The following BRWD1 variants were observed in gnomAD, a reference collection of about 807,000 sequenced individuals.
The protein encoded by BRWD1 is bromodomain and WD repeat-containing protein 1.
BRWD1 carries 82 observed loss-of-function variants against 251.2 expected under a neutral mutation model. The ratio of observed to expected loss-of-function variants is 0.33; its 90% confidence interval spans 0.27 to 0.39. The LOEUF (loss-of-function observed/expected upper bound fraction) is 0.39. Ranked by LOEUF, BRWD1 falls within the 10% of genes least tolerant of loss-of-function variation. The probability of loss-of-function intolerance (pLI) is 1.00; values close to 1 mark genes in which losing one functional copy is unlikely to be tolerated. For synonymous variants in BRWD1, 918 were observed against 902.8 expected (o/e 1.02, Z -0.30); for missense variants, 2,233 against 2,711.6 (o/e 0.82, Z 3.92).
chr21:39,209,947 T>C, intron 36 of BRWD1, 48 bp downstream of exon 36: 1 of 1,561,458 alleles, frequency 6.4e-7, no homozygotes, highest in South Asian at 1.2e-5. Context: ...TGGAAAATTA[T>C]CTACACAGAT....
At chr21:39,284,771 AT>A (rs572144514) in intron 8 of BRWD1, among the ~76,000 whole-genome samples, 2 of 151,676 alleles carry the variant, frequency 1.3e-5, no homozygotes, top group African/African-American at 4.8e-5. Flanking sequence ...TTTTAACTGA[AT>A]TTTTTTTCTA....
At position 39,265,286 on chromosome 21, in the gene BRWD1, G is replaced by A. The variant is rs1220745210; in HGVS notation, c.1531-267C>T. Among the ~76,000 whole-genome samples the A allele has an allele frequency of 3.3e-5, 5 of 151,956 alleles. 1 individual carries two copies. Among genetic ancestry groups the A allele is most frequent in the Admixed American group, 2.6e-4 (4 of 15,256 alleles). ...TAAAAATACAAAAAATTAGCCGGGCGTGGCAGTGTGCGTCTGTAGTCCCAG... is the reference window on the plus strand; with the variant it reads ...TAAAAATACAAAAAATTAGCCGGGCATGGCAGTGTGCGTCTGTAGTCCCAG... On this transcript the variant is annotated intron_variant, in intron 15 of 40. Coordinates refer to ENST00000342449, the MANE Select transcript of BRWD1 (RefSeq NM_033656.4).
intron 38 of BRWD1, among the ~76,000 whole-genome samples, chr21:39,201,553 T>A (rs1212528181): frequency 6.6e-6 from 1 of 152,218 alleles, no homozygotes; most frequent in Non-Finnish European, 1.5e-5. Flanking sequence ...TTTCCTTCAG[T>A]GCATTTTCTC....
At position 39,262,753 on chromosome 21, in the gene BRWD1, C is replaced by A. The variant is rs550873264; in HGVS notation, c.1885+1707G>T. 4.6e-5 allele frequency among the ~76,000 whole-genome samples: 7 copies of A among 152,058 alleles called. No individual in the cohort carries two copies. The East Asian group carries it at 7.7e-4, about 17-fold the overall frequency. On this transcript the variant is annotated intron_variant, in intron 17 of 40. Transcript: ENST00000342449. ...TTGTATATAAAACCCTCTTAAAGGA[C>A]AAAATTAAAGTGACAGAAAATGTAA...
At chr21:39,284,152 A>G (rs1278055157) in intron 8 of BRWD1, among the ~76,000 whole-genome samples, 1 of 152,044 alleles carries the variant, frequency 6.6e-6, no homozygotes, top group African/African-American at 2.4e-5. Flanking sequence ...TGTATTATTT[A>G]TTTTCTTTGG....
rs999989755 is a variant in BRWD1, at chr21:39,274,441, G to A, written c.1177C>T (p.Arg393Trp). The A allele has an allele frequency of 3.1e-6, 5 of 1,613,778 alleles. No individual in the cohort carries two copies. Among genetic ancestry groups the A allele is most frequent in the Non-Finnish European group, 4.2e-6 (5 of 1,179,866 alleles). Residue 393 changes from arginine to tryptophan, a missense_variant, in exon 13 of 41, where the codon CGG becomes TGG. By Grantham distance (101) the Arg-to-Trp change is moderately radical. Transcript: ENST00000342449. ...FLSGSRDGTA[R>W]IWRFEQLEWR... The stretch of plus-strand genomic sequence containing the variant: ...TCTAACTGCTCAAATCTCCAAATCC[G>A]TGCTGTTCCATCTCTGCTACCACTT...
chr21:39,301,831 A>G (rs1046206689), intron 4 of BRWD1, among the ~76,000 whole-genome samples: 1 of 151,820 alleles, frequency 6.6e-6, no homozygotes, highest in African/African-American at 2.4e-5. Context: ...CAAAGGAGCA[A>G]TAAGACTGCT....
chr21:39,262,422 G>T (rs2034782459), intron 17 of BRWD1, among the ~76,000 whole-genome samples: 1 of 152,196 alleles, frequency 6.6e-6, no homozygotes, highest in African/African-American at 2.4e-5. Flanking sequence ...AGACACAAAA[G>T]ATTACACTTT....
Position 39,193,507 on chromosome 21 carries a change from T to A in BRWD1, c.*2752A>T. Reference sequence around the variant, plus strand: ...TCCTTTATATGCTTGGTAAAGTGAGTCTTTCCAAGAAAGCAAAAATCAAAT... The same window carrying A: ...TCCTTTATATGCTTGGTAAAGTGAGACTTTCCAAGAAAGCAAAAATCAAAT... On this transcript the variant is annotated 3_prime_UTR_variant, in exon 41 of 41. Transcript: ENST00000342449. 2.0e-6 allele frequency: 2 copies of A among 985,310 alleles called. No individual in the cohort carries two copies. Among genetic ancestry groups the A allele is most frequent in the Non-Finnish European group, 2.4e-6 (2 of 829,668 alleles). 61.0% of individuals were successfully genotyped at this position (985,310 alleles called of 1,614,324 possible).
intron 23 of BRWD1, among the ~76,000 whole-genome samples, chr21:39,234,946 A>G (rs2033757493): frequency 6.6e-6 from 1 of 152,214 alleles, no homozygotes; most frequent in Admixed American, 6.5e-5. Context: ...GAGTAAGTAA[A>G]TATGACTAAA....
intron 32 of BRWD1, 55 bp from the exon 33 acceptor site, chr21:39,213,608 G>C: frequency 8.3e-7 from 1 of 1,202,108 alleles, no homozygotes; most frequent in South Asian, 1.3e-5. Flanking sequence ...TTGTTGGCAA[G>C]GATTCAAATT....
chr21:39,208,485 C>A (rs879707569), intron 36 of BRWD1, among the ~76,000 whole-genome samples: 1 of 152,174 alleles, frequency 6.6e-6, no homozygotes, highest in Admixed American at 6.5e-5. Context: ...TTAAATGTCA[C>A]TGATTGTAGA....
chr21:39,190,229 AC>A lies in BRWD1; in HGVS notation c.*6029del. The A allele has an allele frequency of 1.1e-6, 1 of 941,008 alleles. No individual in the cohort carries two copies. The highest frequency in any genetic ancestry group is 2.3e-5 in the African/African-American group (1 of 44,336). 58.3% of individuals were successfully genotyped at this position (941,008 alleles called of 1,614,324 possible). On this transcript the variant is annotated 3_prime_UTR_variant, in exon 41 of 41. Transcript: ENST00000342449. Reference sequence around the variant, plus strand: ...CAAGGATTAATCATATTCTAATTAGACTTTTTTTTAATTTTTAAGCTACCTT... The same window carrying A: ...CAAGGATTAATCATATTCTAATTAGATTTTTTTTAATTTTTAAGCTACCTT...
chr21:39,313,591 GCCGC>G lies in BRWD1; in HGVS notation c.-104_-101del. 1 of 275,312 alleles carries G rather than the reference GCCGC, an allele frequency of 3.6e-6. No individual in the cohort carries two copies. Among genetic ancestry groups the G allele is most frequent in the Non-Finnish European group, 4.9e-6 (1 of 202,646 alleles). The allele number at this position is 275,312 out of a possible 1,614,324, so 17.1% of individuals were successfully genotyped here. A position where few individuals can be genotyped will look rare whatever the true frequency, so the allele number is the denominator to read the frequency against. On this transcript the variant is annotated 5_prime_UTR_variant, in exon 1 of 41. An upstream open reading frame in the 5' UTR loses its in-frame stop. Coordinates refer to ENST00000342449, the MANE Select transcript of BRWD1 (RefSeq NM_033656.4). The stretch of plus-strand genomic sequence containing the variant: ...TGGCGTCCCCTCTTCTCAGGCGCGC[GCCGC>G]CGCCGCCGCCGCCGCCGCCATACCG...
chr21:39,215,844 T>A (rs1233263012), intron 31 of BRWD1, among the ~76,000 whole-genome samples: 5 of 151,682 alleles, frequency 3.3e-5, no homozygotes, highest in African/African-American at 1.2e-4. Flanking sequence ...AAATTAAAAT[T>A]AAAAAATTAG....
chr21:39,248,130 A>G (rs764870718), intron 20 of BRWD1, among the ~76,000 whole-genome samples: 2 of 152,184 alleles, frequency 1.3e-5, no homozygotes, highest in Non-Finnish European at 2.9e-5. Context: ...TGTCACCTTA[A>G]AAGTATACAT....
In BRWD1 at chr21:39,193,490, A is replaced by G. The variant is rs1258021127; in HGVS notation, c.*2769T>C. On this transcript the variant is annotated 3_prime_UTR_variant, in exon 41 of 41. Coordinates refer to ENST00000342449, the MANE Select transcript of BRWD1 (RefSeq NM_033656.4). The stretch of plus-strand genomic sequence containing the variant: ...ATGTTTGAAATCATTTTTCCTTTAT[A>G]TGCTTGGTAAAGTGAGTCTTTCCAA... 3.0e-6 allele frequency: 3 copies of G among 985,150 alleles called. No individual in the cohort carries two copies. Among genetic ancestry groups the G allele is most frequent in the East Asian group, 1.1e-4 (1 of 8,828 alleles). 61.0% of individuals were successfully genotyped at this position (985,150 alleles called of 1,614,324 possible). A position where few individuals can be genotyped will look rare whatever the true frequency, so the allele number is the denominator to read the frequency against.
At chr21:39,293,296 C>A (rs1029878145) in intron 8 of BRWD1, among the ~76,000 whole-genome samples, 4 of 152,070 alleles carry the variant, frequency 2.6e-5, no homozygotes, top group Non-Finnish European at 5.9e-5. Context: ...AGTTCGAGAC[C>A]AGCCTGCCCA....
At chr21:39,292,004 T>A (rs2035821667) in intron 8 of BRWD1, among the ~76,000 whole-genome samples, 1 of 151,884 alleles carries the variant, frequency 6.6e-6, no homozygotes, top group Non-Finnish European at 1.5e-5. Context: ...TGGAATGCAC[T>A]GGTGCGATAA....
Sources: allele counts gnomAD v4.1 joint callset (sites outside exome capture counted in the v4.1 genomes callset), GRCh38; gene constraint gnomAD v4.1.1; transcripts MANE v1.5; gene names NCBI Gene and HGNC (gene_info 2026-07-23, HGNC 2026-07-21).